The following SPOCK1 variants were observed in gnomAD, a reference collection of about 807,000 sequenced individuals.
SPOCK1 encodes the protein testican-1.
Under a neutral mutation model 55.3 loss-of-function variants are expected in SPOCK1, and 23 were observed. The ratio of observed to expected loss-of-function variants is 0.42; its 90% confidence interval spans 0.30 to 0.59. SPOCK1 has a LOEUF of 0.59. Among genes scored for constraint, SPOCK1 ranks in the 20% least tolerant of loss-of-function variants. The pLI, the probability that SPOCK1 is intolerant of heterozygous loss-of-function variation, is 0.22. For synonymous variants in SPOCK1, 226 were observed against 221.0 expected (o/e 1.02, Z -0.20); for missense variants, 499 against 552.5 (o/e 0.90, Z 0.97).
At chr5:137,185,744 C>T (rs1755056490) in intron 3 of SPOCK1, among the ~76,000 whole-genome samples, 1 of 152,112 alleles carries the variant, frequency 6.6e-6, no homozygotes, top group African/African-American at 2.4e-5. Context: ...GGGCAGAAAA[C>T]AGATGTGAGC....
chr5:136,988,665 T>C (rs1442331696), intron 7 of SPOCK1, 22 bp from the exon 8 acceptor site: 2 of 1,599,394 alleles, frequency 1.3e-6, no homozygotes, highest in Middle Eastern at 1.9e-4. Flanking sequence ...AAGGCATATC[T>C]CAGCTGCCAC....
intron 2 of SPOCK1, among the ~76,000 whole-genome samples, chr5:137,369,532 G>C (rs1462229462): frequency 6.6e-6 from 1 of 152,186 alleles, no homozygotes; most frequent in Non-Finnish European, 1.5e-5. Flanking sequence ...GATTGACCTG[G>C]GTGTGCCACT....
intron 5 of SPOCK1, among the ~76,000 whole-genome samples, chr5:137,103,222 G>T (rs1208165828): frequency 6.6e-6 from 1 of 152,154 alleles, no homozygotes; most frequent in East Asian, 1.9e-4. Context: ...CTGACCTCAG[G>T]TTATCCACCC....
intron 2 of SPOCK1, among the ~76,000 whole-genome samples, chr5:137,464,771 G>A (rs1005480484): frequency 7.9e-5 from 12 of 152,184 alleles, no homozygotes; most frequent in Non-Finnish European, 1.2e-4. Context: ...TGGAGAGGTC[G>A]CTGGGCAAAG....
chr5:137,096,115 G>A (rs4976408), intron 5 of SPOCK1, among the ~76,000 whole-genome samples: 50,132 of 151,894 alleles, frequency 0.33, 8,340 homozygotes, highest in Non-Finnish European at 0.36. Context: ...TAATGGGGTG[G>A]TATACACAGT....
At chr5:137,257,261 T>A (rs1248746287) in intron 3 of SPOCK1, among the ~76,000 whole-genome samples, 1 of 152,208 alleles carries the variant, frequency 6.6e-6, no homozygotes, top group Non-Finnish European at 1.5e-5. Context: ...AAAAGAAGCA[T>A]CCCATCTGCA....
chr5:137,323,881 T>TA (rs1380528468), intron 2 of SPOCK1, among the ~76,000 whole-genome samples: 46 of 152,242 alleles, frequency 3.0e-4, no homozygotes, highest in African/African-American at 1.0e-3. Flanking sequence ...TCAGATAGTG[T>TA]AAATTAGTAC....
intron 2 of SPOCK1, among the ~76,000 whole-genome samples, chr5:137,319,775 C>T (rs1348204364): frequency 4.0e-5 from 6 of 151,884 alleles, no homozygotes; most frequent in Non-Finnish European, 8.8e-5. Context: ...GAAACCCCGT[C>T]TCTACTAAAA....
chr5:137,364,239 A>G (rs753205186), intron 2 of SPOCK1, among the ~76,000 whole-genome samples: 2 of 152,094 alleles, frequency 1.3e-5, no homozygotes, highest in Non-Finnish European at 2.9e-5. Context: ...TTTCCCTAAT[A>G]CCTAAGCACC....
intron 6 of SPOCK1, among the ~76,000 whole-genome samples, chr5:137,024,383 C>A (rs1751632751): frequency 6.6e-6 from 1 of 150,902 alleles, no homozygotes; most frequent in African/African-American, 2.4e-5. Context: ...AGCTGGGATC[C>A]TTAAACTTTG....
intron 2 of SPOCK1, among the ~76,000 whole-genome samples, chr5:137,439,349 C>T (rs1162660719): frequency 1.3e-5 from 2 of 152,230 alleles, no homozygotes; most frequent in African/African-American, 4.8e-5. Context: ...AAAGTCTCAG[C>T]TGACCTGAGG....
intron 2 of SPOCK1, among the ~76,000 whole-genome samples, chr5:137,388,527 C>T (rs1751644423): frequency 6.6e-6 from 1 of 152,104 alleles, no homozygotes; most frequent in Non-Finnish European, 1.5e-5. Flanking sequence ...CTATGATGAC[C>T]CGTACCATCT....
intron 6 of SPOCK1, among the ~76,000 whole-genome samples, chr5:137,021,750 C>T (rs1751578222): frequency 6.6e-6 from 1 of 152,056 alleles, no homozygotes; most frequent in South Asian, 2.1e-4. Flanking sequence ...CTTGGAACTA[C>T]TCTAAATTAT....
At chr5:137,384,319 C>T (rs1751551086) in intron 2 of SPOCK1, among the ~76,000 whole-genome samples, 1 of 152,156 alleles carries the variant, frequency 6.6e-6, no homozygotes, top group Admixed American at 6.5e-5. Context: ...AATCAGGTTC[C>T]ACCATATCTG....
intron 6 of SPOCK1, among the ~76,000 whole-genome samples, chr5:137,040,983 G>A (rs1163929943): frequency 6.6e-6 from 1 of 152,108 alleles, no homozygotes; most frequent in Non-Finnish European, 1.5e-5. Flanking sequence ...CAGGCAAAAA[G>A]GCTAGGAACC....
chr5:137,416,316 C>A (rs1752326935), intron 2 of SPOCK1, among the ~76,000 whole-genome samples: 1 of 151,452 alleles, frequency 6.6e-6, no homozygotes, highest in South Asian at 2.1e-4. Flanking sequence ...TTAAATGCTT[C>A]AAGCAGAATA....
At chr5:137,299,175 A>G (rs1256771255) in intron 2 of SPOCK1, among the ~76,000 whole-genome samples, 1 of 152,116 alleles carries the variant, frequency 6.6e-6, no homozygotes, top group East Asian at 1.9e-4. Flanking sequence ...CACAATATGT[A>G]TCCTTAATTA....
chr5:137,281,786 G>T (rs1757169639), intron 2 of SPOCK1, among the ~76,000 whole-genome samples: 1 of 152,130 alleles, frequency 6.6e-6, no homozygotes, highest in Non-Finnish European at 1.5e-5. Context: ...AATTATTTGG[G>T]AACAATACCG....
chr5:137,292,809 C>A (rs1757399247), intron 2 of SPOCK1, among the ~76,000 whole-genome samples: 1 of 152,070 alleles, frequency 6.6e-6, no homozygotes, highest in Non-Finnish European at 1.5e-5. Context: ...GTAATTAAAC[C>A]CATAAATCCA....
Sources: allele counts gnomAD v4.1 joint callset (sites outside exome capture counted in the v4.1 genomes callset), GRCh38; gene constraint gnomAD v4.1.1; transcripts MANE v1.5; gene names NCBI Gene and HGNC (gene_info 2026-07-23, HGNC 2026-07-21).